Variants in HCRTR2 observed in about 807,000 individuals in gnomAD.
HCRTR2 encodes the protein hypocretin receptor 2, also known as orexin receptor type 2.
HCRTR2 carries 22 observed loss-of-function variants against 49.0 expected under a neutral mutation model. That is an observed-to-expected ratio of 0.45 (90% CI 0.32 to 0.64). The LOEUF is 0.64. Among genes scored for constraint, HCRTR2 ranks in the 30% least tolerant of loss-of-function variants. HCRTR2 has a pLI of 0.04. For missense variants in HCRTR2, 491 were observed against 559.4 expected (o/e 0.88, Z 1.23); for synonymous variants, 236 against 205.3 (o/e 1.15, Z -1.28).
At chr6:55,146,348 C>G (rs553542447) in intron 1 of HCRTR2, among the ~76,000 whole-genome samples, 2 of 151,946 alleles carry the variant, frequency 1.3e-5, no homozygotes, top group Non-Finnish European at 2.9e-5. Context: ...AAACAAATGC[C>G]ACATGGTTAT....
chr6:55,218,318 A>G (rs2127294688), intron 1 of HCRTR2, among the ~76,000 whole-genome samples: 1 of 152,322 alleles, frequency 6.6e-6, no homozygotes, highest in Admixed American at 6.5e-5. Flanking sequence ...AATTAATGAA[A>G]CACAAAGGAG....
chr6:55,211,295 A>C (rs1249741596), intron 1 of HCRTR2, among the ~76,000 whole-genome samples: 2 of 152,168 alleles, frequency 1.3e-5, no homozygotes, highest in Non-Finnish European at 2.9e-5. Flanking sequence ...ATGTGAAAAT[A>C]AATATAATTT....
intron 4 of HCRTR2, among the ~76,000 whole-genome samples, chr6:55,268,780 C>G (rs1345584712): frequency 6.6e-6 from 1 of 152,052 alleles, no homozygotes; most frequent in Non-Finnish European, 1.5e-5. Context: ...AATGTTAATA[C>G]TCACTTGTAG....
upstream of HCRTR2, chr6:55,174,505 C>G (rs200907489): frequency 9.1e-6 from 11 of 1,213,806 alleles, no homozygotes; most frequent in African/African-American, 1.5e-5. Flanking sequence ...TCCGCGCAGC[C>G]TTTCCCACCG....
intron 1 of HCRTR2, among the ~76,000 whole-genome samples, chr6:55,210,199 T>A (rs904463669): frequency 6.6e-6 from 1 of 152,160 alleles, no homozygotes; most frequent in African/African-American, 2.4e-5. Context: ...TAGGCAGGTA[T>A]GCTTATTTAA....
intron 1 of HCRTR2, among the ~76,000 whole-genome samples, chr6:55,132,900 C>T (rs776076336): frequency 1.3e-5 from 2 of 151,616 alleles, no homozygotes; most frequent in East Asian, 3.9e-4. Context: ...ACATAGACAC[C>T]AGAGACCCAT....
At chr6:55,216,184 C>G (rs1471321454) in intron 1 of HCRTR2, among the ~76,000 whole-genome samples, 2 of 152,096 alleles carry the variant, frequency 1.3e-5, no homozygotes, top group African/African-American at 2.4e-5. Flanking sequence ...AAACCTTTCT[C>G]AAAAAACCCA....
intron 1 of HCRTR2, among the ~76,000 whole-genome samples, chr6:55,132,482 C>A (rs957920789): frequency 2.0e-5 from 3 of 151,906 alleles, no homozygotes; most frequent in Non-Finnish European, 4.4e-5. Context: ...CATGCCAATC[C>A]TGGAGTACGT....
chr6:55,215,325 C>G (rs1317425281), intron 1 of HCRTR2, among the ~76,000 whole-genome samples: 2 of 152,082 alleles, frequency 1.3e-5, no homozygotes, highest in Non-Finnish European at 2.9e-5. Flanking sequence ...AATCCTTTAT[C>G]CAGAAGAATT....
upstream of HCRTR2, among the ~76,000 whole-genome samples, chr6:55,169,904 A>T (rs189724106): frequency 6.6e-6 from 1 of 152,216 alleles, no homozygotes; most frequent in Admixed American, 6.5e-5. Flanking sequence ...ACTCCTGGAC[A>T]CACAATAGAT....
intron 1 of HCRTR2, among the ~76,000 whole-genome samples, chr6:55,151,505 A>G (rs902242778): frequency 2.6e-5 from 4 of 152,008 alleles, no homozygotes; most frequent in Admixed American, 2.6e-4. Context: ...ATTCAGTCAC[A>G]TCTTCAGGCT....
chr6:55,199,684 T>C (rs1464140991), intron 1 of HCRTR2, among the ~76,000 whole-genome samples: 1 of 152,176 alleles, frequency 6.6e-6, no homozygotes, highest in Non-Finnish European at 1.5e-5. Flanking sequence ...TAATTACATT[T>C]GTTTAATTTC....
intron 1 of HCRTR2, among the ~76,000 whole-genome samples, chr6:55,227,880 A>G (rs1053291753): frequency 2.0e-5 from 3 of 152,194 alleles, no homozygotes; most frequent in Admixed American, 6.5e-5. Context: ...GTAACATAGG[A>G]AGAGAAATAA....
intron 1 of HCRTR2, among the ~76,000 whole-genome samples, chr6:55,211,263 C>A (rs765017896): frequency 2.0e-5 from 3 of 152,122 alleles, no homozygotes; most frequent in Non-Finnish European, 4.4e-5. Context: ...CTATTTTATT[C>A]TATAGCATTT....
At chr6:55,166,123 A>ACATTTATTGATTTG (rs1369120519) in intron 1 of HCRTR2, among the ~76,000 whole-genome samples, 1 of 152,038 alleles carries the variant, frequency 6.6e-6, no homozygotes, top group Non-Finnish European at 1.5e-5. Context: ...ATGATGTACC[A>ACATTTATTGATTTG]CATTTATTGA....
chr6:55,196,078 T>C (rs867899091), intron 1 of HCRTR2, among the ~76,000 whole-genome samples: 4 of 152,266 alleles, frequency 2.6e-5, no homozygotes, highest in Non-Finnish European at 5.9e-5. Context: ...AAATTTTTCC[T>C]ATAGCATAGA....
At chr6:55,186,102 GTTGTCTCCC>G (rs1765212285) in intron 1 of HCRTR2, among the ~76,000 whole-genome samples, 1 of 152,058 alleles carries the variant, frequency 6.6e-6, no homozygotes, top group Admixed American at 6.6e-5. Context: ...TCATTTTTCT[GTTGTCTCCC>G]TTAAGTAAAA....
intron 1 of HCRTR2, among the ~76,000 whole-genome samples, chr6:55,188,765 A>T (rs1291148449): frequency 7.9e-5 from 12 of 152,216 alleles, no homozygotes; most frequent in Admixed American, 2.6e-4. Context: ...ACAATAAACT[A>T]TAGTATGAGG....
At chr6:55,219,367 T>G (rs996434480) in intron 1 of HCRTR2, among the ~76,000 whole-genome samples, 1 of 152,184 alleles carries the variant, frequency 6.6e-6, no homozygotes, top group African/African-American at 2.4e-5. Context: ...CACAGTGGAA[T>G]GAAACTATAA....
Sources: gnomAD v4.1 joint callset for allele counts (sites outside exome capture counted in the v4.1 genomes callset) on GRCh38, gnomAD v4.1.1 for gene constraint, MANE v1.5 for transcripts, NCBI Gene and HGNC (gene_info 2026-07-23, HGNC 2026-07-21) for gene names.